The following AMZ2 variants were observed in gnomAD, a reference collection of about 807,000 sequenced individuals.
The protein encoded by AMZ2 is archaelysin family metallopeptidase 2, also known as archaemetzincin-2.
A neutral mutation model predicts 36.7 loss-of-function variants in AMZ2; 26 were observed. The ratio of observed to expected loss-of-function variants is 0.71; its 90% CI spans 0.52 to 0.98. The LOEUF is 0.98. Ranked by LOEUF, AMZ2 falls within the 50% of genes least tolerant of loss-of-function variation. The probability of loss-of-function intolerance (pLI) is 0.00; values close to 1 mark genes in which losing one functional copy is unlikely to be tolerated. For synonymous variants in AMZ2, 144 were observed against 149.1 expected, an observed-to-expected ratio of 0.97 and a Z score of 0.25; for missense variants, 394 against 430.5, an observed-to-expected ratio of 0.92 and a Z score of 0.75.
At chr17:68,252,874 A>G (rs1158523528) in intron 4 of AMZ2, among the ~76,000 whole-genome samples, 1 of 152,220 alleles carries the variant, frequency 6.6e-6, no homozygotes, top group Admixed American at 6.5e-5. Flanking sequence ...ATTGCTAGCT[A>G]ACTTATCTTA....
intron 1 of AMZ2, among the ~76,000 whole-genome samples, chr17:68,211,906 A>G (rs1281537552): frequency 1.3e-5 from 2 of 150,260 alleles, no homozygotes; most frequent in African/African-American, 4.9e-5. Context: ...AGTCTTTTTT[A>G]ATCAGTTCCC....
At chr17:68,256,555 A>G (rs1170506252) in intron 6 of AMZ2, among the ~76,000 whole-genome samples, 1 of 152,260 alleles carries the variant, frequency 6.6e-6, no homozygotes, top group Non-Finnish European at 1.5e-5. Flanking sequence ...CTAGAAACAA[A>G]GTGTAAGAAT....
intron 2 of AMZ2, 120 bp from the exon 3 acceptor site, chr17:68,250,674 A>G (rs1297305518): frequency 2.5e-6 from 3 of 1,188,358 alleles, no homozygotes; most frequent in East Asian, 4.8e-5. Flanking sequence ...AATGAATGAT[A>G]AAGGTTATTG....
Position 68,250,254 on chromosome 17 carries a change from G to T in AMZ2, c.67G>T (p.Val23Leu). The part of the protein sequence containing the change: ...TALISKNPVL[V>L]SQYEKLNAGE... ...TCTCATCTCAAAGAACCCAGTGCTT[G>T]TATCACAGTATGAGAAATTAAATGC... Residue 23 changes from valine to leucine, a missense_variant, in exon 2 of 7, where the codon GTA (valine) becomes TTA (leucine). By Grantham distance (32) the Val-to-Leu change is conservative (BLOSUM62 1). Coordinates refer to ENST00000359904, the MANE Select transcript of AMZ2 (RefSeq NM_016627.5). The T allele has an allele frequency of 6.2e-7, 1 of 1,614,192 alleles. No individual in the cohort carries two copies. The highest frequency in any genetic ancestry group is 8.5e-7 in the Non-Finnish European group (1 of 1,180,038).
chr17:68,248,119 G>GTTCGCGGGTGCTGTCAGAGCC lies in AMZ2; in HGVS notation c.-587_-586insTTCGCGGGTGCTGTCAGAGCC, dbSNP rs2074136386. The GTTCGCGGGTGCTGTCAGAGCC allele has an allele frequency of 3.0e-6, 3 of 986,256 alleles. No individual in the cohort carries two copies. The African/African-American group carries it at 5.2e-5, about 17-fold the overall frequency. 61.1% of individuals were successfully genotyped at this position (986,256 alleles called of 1,614,324 possible). A position where few individuals can be genotyped will look rare whatever the true frequency, so the allele number is the denominator to read the frequency against. ...GTATCGAGGCCTGTCGGGTCAGGGC[G>GTTCGCGGGTGCTGTCAGAGCC]GTTCGCGGGTGCTGTCAGAGCTGGG... On this transcript the variant is annotated 5_prime_UTR_variant, in exon 1 of 7. Transcript: ENST00000359904.
intron 1 of AMZ2, among the ~76,000 whole-genome samples, chr17:68,213,439 G>C (rs1331020206): frequency 2.6e-5 from 4 of 152,194 alleles, no homozygotes; most frequent in Non-Finnish European, 5.9e-5. Context: ...TAGGTCACAT[G>C]AAAAAATCTG....
chr17:68,245,728 G>A (rs546212745), upstream of AMZ2, among the ~76,000 whole-genome samples: 2 of 152,266 alleles, frequency 1.3e-5, no homozygotes, highest in South Asian at 4.1e-4. Context: ...TTATGCTTCA[G>A]ACACCTCGTA....
intron 1 of AMZ2, among the ~76,000 whole-genome samples, chr17:68,227,015 A>G (rs1188043856): frequency 1.5e-4 from 23 of 150,818 alleles, no homozygotes; most frequent in African/African-American, 5.4e-4. Flanking sequence ...GTTGTTATAC[A>G]TAATAACTTC....
chr17:68,212,040 C>T (rs1599268078), intron 1 of AMZ2, among the ~76,000 whole-genome samples: 1 of 151,780 alleles, frequency 6.6e-6, no homozygotes, highest in East Asian at 1.9e-4. Context: ...GAAAAATATG[C>T]AAAATGGCTT....
At chr17:68,223,647 C>T (rs1404716392) in intron 1 of AMZ2, among the ~76,000 whole-genome samples, 18 of 151,938 alleles carry the variant, frequency 1.2e-4, no homozygotes, top group African/African-American at 4.1e-4. Context: ...TCAAGTGATT[C>T]TCCTGCCTTG....
At chr17:68,247,979 T>A (rs1485051135), upstream of AMZ2, 4 of 984,580 alleles carry the variant, frequency 4.1e-6, no homozygotes, top group African/African-American at 7.0e-5. Context: ...CCACAGGGCG[T>A]GCGCGACGCA....
Position 68,254,437 on chromosome 17 carries a change from G to A in AMZ2, c.620G>A (p.Ser207Asn). 1 of 1,613,182 alleles carries A rather than the reference G, an allele frequency of 6.2e-7. No homozygotes were observed. Among genetic ancestry groups the A allele is most frequent in the Non-Finnish European group, 8.5e-7 (1 of 1,179,960 alleles). Residue 207 changes from serine to asparagine, a missense_variant, in exon 5 of 7, where the codon AGT becomes AAT. Ser to Asn is a conservative substitution (Grantham distance 46, BLOSUM62 1). Coordinates refer to ENST00000359904, the MANE Select transcript of AMZ2 (RefSeq NM_016627.5). The stretch of plus-strand genomic sequence containing the variant: ...ATATTCAGCTTTGCCAGGTATGGCA[G>A]TGATTTTTATAGCATGCACTATAAA... ...VGIFSFARYG[S>N]DFYSMHYKGK...
intron 1 of AMZ2, among the ~76,000 whole-genome samples, chr17:68,209,632 ATTT>A (rs1224207690): frequency 5.5e-5 from 5 of 90,690 alleles, no homozygotes; most frequent in African/African-American, 1.5e-4. Context: ...ATATATATAT[ATTT>A]TTTTTTTTTT....
rs2074166340 is a variant in AMZ2 at position 68,248,330 on chromosome 17, C to T, written c.-376C>T. On this transcript the variant is annotated 5_prime_UTR_variant, in exon 1 of 7. Coordinates refer to ENST00000359904, the MANE Select transcript of AMZ2 (RefSeq NM_016627.5). ...GGAAGAAGAGGCGAAGCGAGAGTCC[C>T]TGGGGAACCCCCACTCCACTCCCAG... The T allele has an allele frequency of 2.0e-6, 2 of 986,076 alleles. No individual in the cohort carries two copies. The highest frequency in any genetic ancestry group is 2.4e-6 in the Non-Finnish European group (2 of 830,164). 61.1% of individuals were successfully genotyped at this position (986,076 alleles called of 1,614,324 possible).
chr17:68,237,461 G>A lies in AMZ2; in HGVS notation c.-66-11179G>A, dbSNP rs116603920. ...AATCCACGCAAGTGTCATCTCTGAC[G>A]ACGCTCTCTTTTCAGTTCCTCCTGC... On this transcript the variant is annotated intron_variant, in intron 1 of 7. Coordinates refer to the AMZ2 transcript ENST00000674770. Among the ~76,000 whole-genome samples, 1,005 of 152,270 alleles carry A rather than the reference G, an allele frequency of 6.6e-3. 10 individuals carry two copies. The highest frequency in any genetic ancestry group is 0.023 in the African/African-American group (953 of 41,546).
In AMZ2 at chr17:68,250,202, G is replaced by A. The variant is rs2074342639; in HGVS notation, c.15G>A (p.Arg5=). 1 of 1,612,634 alleles carries A rather than the reference G, an allele frequency of 6.2e-7. No individual in the cohort carries two copies. The highest frequency in any genetic ancestry group is 8.5e-7 in the Non-Finnish European group (1 of 1,179,456). The change falls in exon 2 of 7, where the codon CGG becomes CGA. Residue 5 remains arginine, a synonymous_variant. Coordinates refer to ENST00000359904, the MANE Select transcript of AMZ2 (RefSeq NM_016627.5). MQII[R]HSEQTLKTAL... ...TTTTTTGTTAGATGCAAATAATACG[G>A]CACTCCGAACAGACACTAAAAACAG...
At chr17:68,253,747 A>G (rs1555741069) in intron 4 of AMZ2, among the ~76,000 whole-genome samples, 2 of 138,346 alleles carry the variant, frequency 1.4e-5, no homozygotes, top group East Asian at 2.1e-4. Flanking sequence ...ATGACTTCCT[A>G]TTGTTCATGT....
intron 1 of AMZ2, among the ~76,000 whole-genome samples, chr17:68,234,569 T>C (rs1555732088): frequency 1.3e-5 from 2 of 152,058 alleles, no homozygotes; most frequent in Non-Finnish European, 1.5e-5. Context: ...AAGGCCAGCC[T>C]GGTTAATATA....
intron 1 of AMZ2, among the ~76,000 whole-genome samples, chr17:68,217,432 C>T (rs1471618421): frequency 5.9e-5 from 9 of 152,266 alleles, no homozygotes; most frequent in African/African-American, 1.9e-4. Flanking sequence ...AAGATGATTT[C>T]AGGCAAATAG....
Sources: allele counts gnomAD v4.1 joint callset (sites outside exome capture counted in the v4.1 genomes callset), GRCh38; gene constraint gnomAD v4.1.1; transcripts MANE v1.5; gene names NCBI Gene and HGNC (gene_info 2026-07-23, HGNC 2026-07-21).